WNK2: variants seen among roughly 807,000 people sequenced by gnomAD.
WNK2 encodes serine/threonine-protein kinase WNK2.
WNK2 carries 67 observed loss-of-function variants against 192.1 expected under a neutral mutation model. The ratio of observed to expected loss-of-function variants is 0.35; its 90% CI spans 0.29 to 0.43. WNK2 has a LOEUF of 0.43. WNK2 is among the 20% of genes least tolerant of loss of function. WNK2 has a pLI of 1.00. For missense variants in WNK2, 2,698 were observed against 3,089.7 expected, an observed-to-expected ratio of 0.87 and a Z score of 3.01; for synonymous variants, 1,439 against 1,393.9, an observed-to-expected ratio of 1.03 and a Z score of -0.72.
At chr9:93,320,261 G>T in intron 29 of WNK2, 106 bp from the exon 30 acceptor site, 5 of 1,268,412 alleles carry the variant, frequency 3.9e-6, no homozygotes, top group South Asian at 1.2e-5. Context: ...CAGAGCTGGC[G>T]CAGCCTTCCC....
At chr9:93,188,658 C>T (rs910714679) in intron 2 of WNK2, among the ~76,000 whole-genome samples, 12 of 152,212 alleles carry the variant, frequency 7.9e-5, no homozygotes, top group Admixed American at 5.9e-4. Flanking sequence ...TCATCTTTGG[C>T]CAGCCCTGGT....
In WNK2 at chr9:93,306,718, C is replaced by A. The variant is rs556912285; in HGVS notation, c.6215-59C>A. 106 of 1,603,492 alleles carry A rather than the reference C, an allele frequency of 6.6e-5. No individual in the cohort carries two copies. The East Asian group carries it at 7.4e-4, about 11-fold the overall frequency. ...CTTTTGCTTAGTGTGGTAGCGTGTC[C>A]CAGTGTGTGCTGTTCTGCCTAACCC... is the stretch of plus-strand genomic sequence containing the variant. On this transcript the variant is annotated intron_variant, in intron 26 of 29. Coordinates refer to ENST00000427277, the MANE Select transcript of WNK2 (RefSeq NM_006648.4).
At position 93,247,229 on chromosome 9, in the gene WNK2, T is replaced by C. The variant is rs988580081; in HGVS notation, c.1543-314T>C. Among the ~76,000 whole-genome samples the C allele has an allele frequency of 6.6e-6, 1 of 152,234 alleles. No individual in the cohort carries two copies. The highest frequency in any genetic ancestry group is 1.5e-5 in the Non-Finnish European group (1 of 68,038). On this transcript the variant is annotated intron_variant, in intron 7 of 29. Transcript: ENST00000427277. The surrounding 1 kb of genome is among the most constrained non-coding windows in gnomAD (Gnocchi z 5.2). ...AGACAATCAGGAGCCCCTTCCCGTC[T>C]GCCACCAGCCCCGGGGGCGCTGGGA...
Position 93,239,109 on chromosome 9 carries a change from A to G in WNK2, c.1323-648A>G, listed in dbSNP as rs1459925780. ...GTTAGGGAGGCTTCTTTGGGTGGCC[A>G]AGCCCTGCAGAGCCCCGAAGTGGTC... On this transcript the variant is annotated intron_variant, in intron 6 of 29. Coordinates refer to ENST00000427277, the MANE Select transcript of WNK2 (RefSeq NM_006648.4). The surrounding 1 kb of genome is among the most constrained non-coding windows in gnomAD (Gnocchi z 4.2). Among the ~76,000 whole-genome samples the G allele has an allele frequency of 1.3e-5, 2 of 152,244 alleles. No individual in the cohort carries two copies. The highest frequency in any genetic ancestry group is 2.4e-5 in the African/African-American group (1 of 41,464).
At chr9:93,250,427 ATGTACACCC>A (rs1253608052) in intron 8 of WNK2, among the ~76,000 whole-genome samples, 3 of 152,180 alleles carry the variant, frequency 2.0e-5, no homozygotes, top group Non-Finnish European at 4.4e-5. Flanking sequence ...GTGTGCACAC[ATGTACACCC>A]TTATCCCCTT....
intron 7 of WNK2, among the ~76,000 whole-genome samples, chr9:93,243,910 C>T (rs1267633590): frequency 1.3e-5 from 2 of 152,260 alleles, no homozygotes; most frequent in Non-Finnish European, 2.9e-5. Context: ...ACACTAGCAC[C>T]TGGCTCTGAG....
intron 14 of WNK2, 70 bp downstream of exon 14, chr9:93,262,789 G>T (rs1198980437): frequency 3.9e-6 from 6 of 1,537,002 alleles, no homozygotes; most frequent in Non-Finnish European, 5.4e-6. Context: ...ACTCAGCCTG[G>T]CTCCTGCTGC....
At position 93,263,966 on chromosome 9, in the gene WNK2, A is replaced by G; in HGVS notation, c.3629A>G (p.Asn1210Ser). Reference protein sequence around the residue: ...KMVECQLETHNHKMVTFKFDL... With the variant: ...KMVECQLETHSHKMVTFKFDL... ...GTGGAGTGCCAGCTGGAGACGCACA[A>G]CCACAAGATGGTGACCTTCAAGTTC... The change falls in exon 16 of 30, where the codon AAC becomes AGC. Residue 1210 changes from asparagine to serine, a missense_variant. Coordinates refer to ENST00000427277, the MANE Select transcript of WNK2 (RefSeq NM_006648.4). 6.2e-7 allele frequency: 1 copy of G among 1,613,560 alleles called. No individual in the cohort carries two copies. The highest frequency in any genetic ancestry group is 2.2e-5 in the East Asian group (1 of 44,866).
Position 93,185,587 on chromosome 9 carries a change from G to T in WNK2, c.658G>T (p.Glu220Ter). ...YKGLDTETWV[E>*]VAWCELQDRK... ...GGGGCTGGACACGGAGACCTGGGTG[G>T]AGGTGGCCTGGTGTGAGCTGCAGGT... is the stretch of plus-strand genomic sequence containing the variant. The change falls in exon 2 of 30, where the codon GAG (glutamate) becomes TAG (stop). Residue 220 changes from glutamate (E) to a stop codon, truncating the protein, a stop_gained. Coordinates refer to ENST00000427277, the MANE Select transcript of WNK2 (RefSeq NM_006648.4). LOFTEE classifies it high-confidence loss of function. 6.2e-7 allele frequency: 1 copy of T among 1,611,894 alleles called. No individual in the cohort carries two copies. The highest frequency in any genetic ancestry group is 8.5e-7 in the Non-Finnish European group (1 of 1,179,144).
At chr9:93,240,488 A>G (rs1000793483) in intron 7 of WNK2, among the ~76,000 whole-genome samples, 2 of 151,962 alleles carry the variant, frequency 1.3e-5, no homozygotes, top group Non-Finnish European at 2.9e-5. Flanking sequence ...TCCTCTCATC[A>G]TCTTCAGCTC....
rs777625638 is a variant in WNK2 at position 93,185,469 on chromosome 9, G to GGAC, written c.544_546dup (p.Asp182dup). 6.2e-7 allele frequency: 1 copy of GGAC among 1,612,734 alleles called. No homozygotes were observed. Among genetic ancestry groups the GGAC allele is most frequent in the East Asian group, 2.2e-5 (1 of 44,860 alleles). The stretch of plus-strand genomic sequence containing the variant: ...AGCCCGAAGAGGAGGAGGACGACGA[G>GGAC]GACGACCTCAAGGCCGTGGCCACCT... On this transcript the variant is annotated inframe_insertion, in exon 2 of 30. Coordinates refer to ENST00000427277, the MANE Select transcript of WNK2 (RefSeq NM_006648.4).
chr9:93,235,004 C>CAG (rs1564052737), intron 5 of WNK2, 39 bp downstream of exon 5: 1 of 1,611,518 alleles, frequency 6.2e-7, no homozygotes, highest in Non-Finnish European at 8.5e-7. Flanking sequence ...AATAAGGACA[C>CAG]AGAGGCCTTG....
intron 2 of WNK2, among the ~76,000 whole-genome samples, chr9:93,216,370 G>C (rs1387497989): frequency 1.3e-5 from 2 of 152,294 alleles, no homozygotes; most frequent in Non-Finnish European, 2.9e-5. Flanking sequence ...TGGAAGCCAG[G>C]CATGGTAGGT....
chr9:93,247,201 T>C lies in WNK2; in HGVS notation c.1543-342T>C, dbSNP rs1450512383. On this transcript the variant is annotated intron_variant, in intron 7 of 29. Transcript: ENST00000427277. The surrounding 1 kb of genome is among the most constrained non-coding windows in gnomAD (Gnocchi z 5.2). ...AGCTCCTTGTCACCACTTCTGAGTA[T>C]GGAGACAATCAGGAGCCCCTTCCCG... Among the ~76,000 whole-genome samples the C allele has an allele frequency of 6.6e-6, 1 of 152,204 alleles. No individual in the cohort carries two copies. Among genetic ancestry groups the C allele is most frequent in the Non-Finnish European group, 1.5e-5 (1 of 68,046 alleles).
At position 93,221,701 on chromosome 9, in the gene WNK2, G is replaced by A. The variant is rs563171539; in HGVS notation, c.682-7995G>A. ...CTTTGGTCCTTAGAGTCTTACGTTC[G>A]CAGGAAACTAAGGAAAGCTAGATTC... On this transcript the variant is annotated intron_variant, in intron 2 of 29. Coordinates refer to ENST00000427277, the MANE Select transcript of WNK2 (RefSeq NM_006648.4). Among the ~76,000 whole-genome samples the A allele has an allele frequency of 3.3e-5, 5 of 152,298 alleles. No homozygotes were observed. In the South Asian group the frequency reaches 1.0e-3, roughly 32 times the overall value.
At chr9:93,300,425 C>T (rs967307443) in intron 26 of WNK2, 16 of 338,754 alleles carry the variant, frequency 4.7e-5, no homozygotes, top group Admixed American at 1.9e-4. Context: ...CCTTCCGCCC[C>T]GGGCACCTCT....
intron 2 of WNK2, among the ~76,000 whole-genome samples, chr9:93,198,575 G>C (rs1831714210): frequency 1.4e-5 from 2 of 145,728 alleles, no homozygotes; most frequent in Admixed American, 1.3e-4. Context: ...CTGTGGAGGG[G>C]ATGCTTCCTG....
In WNK2 at chr9:93,268,700, T is replaced by C. The variant is rs973592872; in HGVS notation, c.3987T>C (p.Ser1329=). 8 of 1,613,258 alleles carry C rather than the reference T, an allele frequency of 5.0e-6. No individual in the cohort carries two copies. The highest frequency in any genetic ancestry group is 3.4e-6 in the Non-Finnish European group (4 of 1,179,770). The change falls in exon 19 of 30, where the codon TCT becomes TCC. Residue 1329 remains serine (S), a synonymous_variant. Transcript: ENST00000427277. ...AEHPAPEAPE[S]SPPLPLSSLP... ...ACCCCGCCCCCGAGGCCCCTGAATCTTCGCCCCCACTTCCTCTAAGCTCCC... is the reference window on the plus strand; with the variant it reads ...ACCCCGCCCCCGAGGCCCCTGAATCCTCGCCCCCACTTCCTCTAAGCTCCC...
At chr9:93,266,634 T>TA (rs774302841) in intron 16 of WNK2, among the ~76,000 whole-genome samples, 2 of 152,220 alleles carry the variant, frequency 1.3e-5, no homozygotes, top group Non-Finnish European at 2.9e-5. Context: ...AGTCACATGT[T>TA]ACACTAAATT....
Sources: gnomAD v4.1 joint callset for allele counts (sites outside exome capture counted in the v4.1 genomes callset) on GRCh38, gnomAD v4.1.1 for gene constraint, Gnocchi (gnomAD v3.1) non-coding constraint, MANE v1.5 for transcripts, NCBI Gene and HGNC (gene_info 2026-07-23, HGNC 2026-07-21) for gene names.